SRL: variants seen among roughly 807,000 people sequenced by gnomAD.
SRL encodes sarcalumenin.
SRL carries 23 observed loss-of-function variants against 39.5 expected under a neutral mutation model. The ratio of observed to expected loss-of-function variants is 0.58; its 90% CI spans 0.42 to 0.82. The LOEUF is 0.82. Among genes scored for constraint, SRL ranks in the 40% least tolerant of loss-of-function variants. The pLI, the probability that SRL is intolerant of heterozygous loss-of-function variation, is 0.00. For missense variants in SRL, 592 were observed against 607.8 expected, an observed-to-expected ratio of 0.97 and a Z score of 0.27; for synonymous variants, 272 against 237.4, an observed-to-expected ratio of 1.15 and a Z score of -1.34.
intron 1 of SRL, among the ~76,000 whole-genome samples, chr16:4,209,948 A>C (rs1453541766): frequency 6.6e-6 from 1 of 151,980 alleles, no homozygotes; most frequent in Non-Finnish European, 1.5e-5. Flanking sequence ...GGCACAGGGG[A>C]CCCCTTCCTG....
chr16:4,214,893 G>A lies in SRL; in HGVS notation c.62-10259C>T, dbSNP rs369255787. On this transcript the variant is annotated intron_variant, in intron 1 of 5. Coordinates refer to ENST00000399609, the MANE Select transcript of SRL (RefSeq NM_001098814.2). ...AGCGATTCTCCTGCCTCAGCCTCCC[G>A]AGTAGCTGGGATTACAGGTGCCTGC... Among the ~76,000 whole-genome samples, 27 of 151,742 alleles carry A rather than the reference G, an allele frequency of 1.8e-4. No homozygotes were observed. In the East Asian group the frequency reaches 4.7e-3, roughly 26 times the overall value.
intron 3 of SRL, among the ~76,000 whole-genome samples, chr16:4,200,892 A>G (rs1053403684): frequency 7.2e-5 from 11 of 152,306 alleles, no homozygotes; most frequent in South Asian, 6.2e-4. Flanking sequence ...AGAGCATCAA[A>G]TGAGATCATA....
chr16:4,198,078 G>A (rs183377262), intron 3 of SRL, among the ~76,000 whole-genome samples, 163 bp from the exon 4 acceptor site: 1 of 152,196 alleles, frequency 6.6e-6, no homozygotes, highest in African/African-American at 2.4e-5. Flanking sequence ...TGCTACGTAA[G>A]TGTGATCACC....
At chr16:4,233,449 C>G (rs1005885042) in intron 1 of SRL, among the ~76,000 whole-genome samples, 2 of 152,164 alleles carry the variant, frequency 1.3e-5, no homozygotes, top group African/African-American at 2.4e-5. Flanking sequence ...CCAAGCTGAC[C>G]GTCCAGCAAT....
chr16:4,236,239 C>A (rs1004475562), intron 1 of SRL, among the ~76,000 whole-genome samples: 16 of 152,114 alleles, frequency 1.1e-4, no homozygotes, highest in African/African-American at 3.9e-4. Context: ...TACCCTCAAA[C>A]CCTCCTCATT....
At chr16:4,217,829 C>T (rs753584084) in intron 1 of SRL, among the ~76,000 whole-genome samples, 2 of 152,204 alleles carry the variant, frequency 1.3e-5, no homozygotes, top group Non-Finnish European at 2.9e-5. Flanking sequence ...GAGCCAGCTT[C>T]GGACAGGAGC....
chr16:4,193,623 A>G (rs1471341874), intron 5 of SRL, among the ~76,000 whole-genome samples: 1 of 152,212 alleles, frequency 6.6e-6, no homozygotes, highest in Non-Finnish European at 1.5e-5. Flanking sequence ...GAAGAACAAT[A>G]TCAACATCTG....
At chr16:4,224,991 C>T (rs79081257) in intron 1 of SRL, among the ~76,000 whole-genome samples, 2 of 152,116 alleles carry the variant, frequency 1.3e-5, no homozygotes, top group Non-Finnish European at 2.9e-5. Flanking sequence ...AAGCTGGACA[C>T]AAGAGACCAC....
chr16:4,241,900 G>C (rs1597303134), intron 1 of SRL, 107 bp downstream of exon 1: 1 of 1,199,618 alleles, frequency 8.3e-7, no homozygotes, highest in South Asian at 1.3e-5. Context: ...CCAAGAGCCA[G>C]GGTTTGCCAT....
At chr16:4,196,274 T>G (rs2052141099) in intron 4 of SRL, among the ~76,000 whole-genome samples, 1 of 151,984 alleles carries the variant, frequency 6.6e-6, no homozygotes, top group Non-Finnish European at 1.5e-5. Context: ...TTTACCATTT[T>G]AATCATTTTA....
At chr16:4,199,364 CTTTTTTTTTTTTTT>C (rs71139622) in intron 3 of SRL, among the ~76,000 whole-genome samples, 1 of 84,604 alleles carries the variant, frequency 1.2e-5, no homozygotes, top group Non-Finnish European at 2.3e-5. Flanking sequence ...TATTCCCCAT[CTTTTTTTTTTTTTT>C]TTTTTTTTTT....
rs76445266 is a variant in SRL at position 4,207,392 on chromosome 16, T to C, written c.62-2758A>G. The C allele has an allele frequency of 3.7e-3, 1,683 of 456,566 alleles. 8 individuals carry two copies. The highest frequency in any genetic ancestry group is 0.014 in the Admixed American group (617 of 42,574). 28.3% of individuals were successfully genotyped at this position (456,566 alleles called of 1,614,324 possible). A position where few individuals can be genotyped will look rare whatever the true frequency, so the allele number is the denominator to read the frequency against. ...GGTCCTCGGTGCCCTCACTGGCTTG[T>C]GTGTCAATATCTGGCTCCGACTCTC... is the stretch of plus-strand genomic sequence containing the variant. On this transcript the variant is annotated intron_variant, in intron 1 of 5. Coordinates refer to ENST00000399609, the MANE Select transcript of SRL (RefSeq NM_001098814.2).
Position 4,197,980 on chromosome 16 carries a change from C to T in SRL, c.260-65G>A, listed in dbSNP as rs569482934. On this transcript the variant is annotated intron_variant, in intron 3 of 5. Transcript: ENST00000399609. ...AAAGTTCACACAAGGGGTATGGCACCGTACTCCAAAGCATCTCACCGTCCA... is the reference window on the plus strand; with the variant it reads ...AAAGTTCACACAAGGGGTATGGCACTGTACTCCAAAGCATCTCACCGTCCA... The T allele has an allele frequency of 7.8e-5, 83 of 1,070,830 alleles. 1 individual carries two copies. Among genetic ancestry groups the T allele is most frequent in the South Asian group, 6.9e-4 (55 of 79,628 alleles). 66.3% of individuals were successfully genotyped at this position (1,070,830 alleles called of 1,614,324 possible).
At chr16:4,234,864 C>G (rs372952834) in intron 1 of SRL, among the ~76,000 whole-genome samples, 277 of 152,344 alleles carry the variant, frequency 1.8e-3, no homozygotes, top group Middle Eastern at 6.8e-3. Context: ...TATTTACCAC[C>G]TCCGTGTTGA....
At chr16:4,213,122 C>T (rs1158400727) in intron 1 of SRL, among the ~76,000 whole-genome samples, 1 of 152,116 alleles carries the variant, frequency 6.6e-6, no homozygotes, top group Non-Finnish European at 1.5e-5. Flanking sequence ...GTTCACAAAC[C>T]ATGTCCCATG....
intron 1 of SRL, among the ~76,000 whole-genome samples, chr16:4,237,937 T>C (rs549539600): frequency 9.2e-5 from 14 of 152,266 alleles, no homozygotes; most frequent in African/African-American, 3.4e-4. Flanking sequence ...GTGTGTCCCA[T>C]TTGACTAGAT....
At chr16:4,207,226 C>G in intron 1 of SRL, 1 of 457,126 alleles carries the variant, frequency 2.2e-6, no homozygotes, top group South Asian at 1.5e-5. Context: ...CTTCCATCAC[C>G]ACTTTCCTCT....
At chr16:4,195,529 G>T (rs375980444) in intron 5 of SRL, 24 bp downstream of exon 5, 1 of 1,610,238 alleles carries the variant, frequency 6.2e-7, no homozygotes, top group Admixed American at 1.7e-5. Context: ...AGCTTACACT[G>T]TTCAGAAATG....
At chr16:4,241,695 G>A (rs575708922) in intron 1 of SRL, among the ~76,000 whole-genome samples, 157 of 152,178 alleles carry the variant, frequency 1.0e-3, no homozygotes, top group African/African-American at 3.3e-3. Context: ...CCCCCGTCTC[G>A]ACTTTGAGGG....
Sources: gnomAD v4.1 joint callset for allele counts (sites outside exome capture counted in the v4.1 genomes callset) on GRCh38, gnomAD v4.1.1 for gene constraint, MANE v1.5 for transcripts, NCBI Gene and HGNC (gene_info 2026-07-23, HGNC 2026-07-21) for gene names.